Variants in COL4A3 observed in about 807,000 individuals in gnomAD.
COL4A3 encodes the protein collagen type IV alpha 3 chain, also known as collagen alpha-3(IV) chain.
A neutral mutation model predicts 217.4 loss-of-function variants in COL4A3; 135 were observed. That is an observed-to-expected ratio of 0.62 (90% confidence interval 0.54 to 0.72). The LOEUF (loss-of-function observed/expected upper bound fraction) is 0.72. COL4A3 is among the 30% of genes least tolerant of loss of function. The pLI is 0.00. For missense variants in COL4A3, 1,868 were observed against 2,119.9 expected (o/e 0.88, Z 2.33); for synonymous variants, 690 against 736.3 (o/e 0.94, Z 1.02).
intron 34 of COL4A3, among the ~76,000 whole-genome samples, chr2:227,284,711 C>T (rs1257157394): frequency 6.6e-6 from 1 of 152,144 alleles, no homozygotes; most frequent in African/African-American, 2.4e-5. Flanking sequence ...GATGTTGAAA[C>T]CTCCATCTCA....
intron 1 of COL4A3, among the ~76,000 whole-genome samples, chr2:227,178,040 G>A (rs978850130): frequency 6.6e-6 from 1 of 152,108 alleles, no homozygotes; most frequent in Admixed American, 6.5e-5. Context: ...TGAGATCTAC[G>A]GTAAGAACAA....
chr2:227,181,702 T>A (rs745649106), intron 1 of COL4A3, among the ~76,000 whole-genome samples: 6 of 152,204 alleles, frequency 3.9e-5, no homozygotes, highest in Non-Finnish European at 7.4e-5. Flanking sequence ...CATCAGTAAA[T>A]ATCCCTTAAA....
chr2:227,187,884 A>G (rs2204862), intron 1 of COL4A3, among the ~76,000 whole-genome samples: 20,618 of 152,016 alleles, frequency 0.14, 1,497 homozygotes, highest in Admixed American at 0.17. Context: ...ATATCTCCAG[A>G]GGGAATAAGA....
At chr2:227,277,856 C>T (rs1225842309) in intron 28 of COL4A3, among the ~76,000 whole-genome samples, 3 of 151,780 alleles carry the variant, frequency 2.0e-5, no homozygotes, top group Non-Finnish European at 2.9e-5. Flanking sequence ...AAACATTAGC[C>T]GGGTGTGGTG....
chr2:227,210,676 C>A (rs1302446688), intron 1 of COL4A3, among the ~76,000 whole-genome samples: 1 of 152,248 alleles, frequency 6.6e-6, no homozygotes, highest in South Asian at 2.1e-4. Flanking sequence ...CACACATATG[C>A]GTTAAGATAA....
At position 227,290,795 on chromosome 2, in the gene COL4A3, G is replaced by C. The variant is rs187864249; in HGVS notation, c.3119G>C (p.Arg1040Thr). ...GTLGFPGRAG[R>T]PGLPGIHGLQ... Reference sequence around the variant, plus strand: ...TTGGGATTCCCAGGTCGAGCAGGAAGACCAGGCCTCCCAGGTATTCATGGT... The same window carrying C: ...TTGGGATTCCCAGGTCGAGCAGGAACACCAGGCCTCCCAGGTATTCATGGT... Residue 1040 changes from arginine to threonine, a missense_variant, in exon 37 of 52, where the codon AGA becomes ACA. Arg to Thr is a moderately conservative substitution (Grantham distance 71). This residue lies in a region of COL4A3 where 1,503 missense variants were observed against 1,786.1 expected (regional missense o/e 0.84). Transcript: ENST00000396578. 10 of 1,613,682 alleles carry C rather than the reference G, an allele frequency of 6.2e-6. No individual in the cohort carries two copies. In the Admixed American group the frequency reaches 1.2e-4, roughly 19 times the overall value.
In COL4A3 at chr2:227,229,506, G is replaced by A. The variant is rs1288902175; in HGVS notation, c.88-8462G>A. Reference sequence around the variant, plus strand: ...CACCAGTTCTTTGGCACTGGACAAGGGACTTCAAGAGGAAATGTCAGGGAG... The same window carrying A: ...CACCAGTTCTTTGGCACTGGACAAGAGACTTCAAGAGGAAATGTCAGGGAG... On this transcript the variant is annotated intron_variant, in intron 1 of 51. Coordinates refer to ENST00000396578, the MANE Select transcript of COL4A3 (RefSeq NM_000091.5). 2.0e-5 allele frequency among the ~76,000 whole-genome samples: 3 copies of A among 152,156 alleles called. No individual in the cohort carries two copies. In the East Asian group the frequency reaches 5.8e-4, roughly 29 times the overall value.
At chr2:227,225,911 C>A (rs923981852) in intron 1 of COL4A3, among the ~76,000 whole-genome samples, 2 of 152,064 alleles carry the variant, frequency 1.3e-5, no homozygotes, top group African/African-American at 4.8e-5. Flanking sequence ...AGGGTTTCAC[C>A]CTGTTGGCCA....
chr2:227,276,533 C>A, intron 27 of COL4A3, 56 bp downstream of exon 27: 1 of 1,298,186 alleles, frequency 7.7e-7, no homozygotes, highest in Non-Finnish European at 1.1e-6. Flanking sequence ...AACACCCTGA[C>A]TCTCTTGGAA....
At chr2:227,189,093 G>A (rs2066137325) in intron 1 of COL4A3, among the ~76,000 whole-genome samples, 2 of 152,182 alleles carry the variant, frequency 1.3e-5, no homozygotes, top group South Asian at 4.1e-4. Context: ...TTCTGTTTGA[G>A]CACCAGAGAG....
In COL4A3 at chr2:227,164,908, T is replaced by C. The variant is rs2065165548; in HGVS notation, c.87+95T>C. The C allele has an allele frequency of 3.0e-5, 40 of 1,346,792 alleles. No homozygotes were observed. The highest frequency in any genetic ancestry group is 3.7e-5 in the Non-Finnish European group (38 of 1,040,234). 83.4% of individuals were successfully genotyped at this position (1,346,792 alleles called of 1,614,324 possible). A position where few individuals can be genotyped will look rare whatever the true frequency, so the allele number is the denominator to read the frequency against. On this transcript the variant is annotated intron_variant, in intron 1 of 51. Transcript: ENST00000396578. The surrounding 1 kb of genome is among the most constrained non-coding windows in gnomAD (Gnocchi z 4.8). ...GGCCCCACCCGCAGCGGCGCGGTAGTGGAGCGGCTGCCGGGCTAGTGGCGA... is the reference window on the plus strand; with the variant it reads ...GGCCCCACCCGCAGCGGCGCGGTAGCGGAGCGGCTGCCGGGCTAGTGGCGA...
chr2:227,178,344 C>T (rs2065756814), intron 1 of COL4A3, among the ~76,000 whole-genome samples: 1 of 152,000 alleles, frequency 6.6e-6, no homozygotes, highest in Non-Finnish European at 1.5e-5. Context: ...CAGCACACCA[C>T]TTCACTCCAG....
At position 227,293,179 on chromosome 2, in the gene COL4A3, A is replaced by AATTT; in HGVS notation, c.3211-12_3211-11insATTT. The AATTT allele has an allele frequency of 6.2e-7, 1 of 1,613,808 alleles. No homozygotes were observed. Among genetic ancestry groups the AATTT allele is most frequent in the Non-Finnish European group, 8.5e-7 (1 of 1,180,000 alleles). ...TATATGAGAATTTTAAAGGTATTTG[A>AATTT]CTACATTTAAGGGGGATCCAGGACT... On this transcript the variant is annotated splice_polypyrimidine_tract_variant and intron_variant, in intron 37 of 51. Transcript: ENST00000396578.
Position 227,253,960 on chromosome 2 carries a change from G to C in COL4A3, c.766-152G>C. The C allele has an allele frequency of 6.5e-6, 5 of 764,864 alleles. No individual in the cohort carries two copies. The highest frequency in any genetic ancestry group is 1.2e-5 in the Non-Finnish European group (5 of 429,974). 47.4% of individuals were successfully genotyped at this position (764,864 alleles called of 1,614,324 possible). ...CGCAGGTATAAAATTTGAAATGTGA[G>C]AAATGGAAGGTGTATTGGGTTGTGT... On this transcript the variant is annotated intron_variant, in intron 13 of 51. Coordinates refer to ENST00000396578, the MANE Select transcript of COL4A3 (RefSeq NM_000091.5). The surrounding 1 kb of genome is among the most constrained non-coding windows in gnomAD (Gnocchi z 4.4).
chr2:227,214,826 G>A (rs1036822683), intron 1 of COL4A3, among the ~76,000 whole-genome samples: 2 of 152,174 alleles, frequency 1.3e-5, no homozygotes, highest in Non-Finnish European at 1.5e-5. Flanking sequence ...ATATTTTGAA[G>A]AGCCTTCTCA....
chr2:227,300,347 C>T (rs1161288349), intron 43 of COL4A3, among the ~76,000 whole-genome samples: 1 of 151,822 alleles, frequency 6.6e-6, no homozygotes, highest in East Asian at 1.9e-4. Context: ...AAGTTTTCTC[C>T]ATTATTTCTT....
intron 1 of COL4A3, among the ~76,000 whole-genome samples, chr2:227,177,257 C>G (rs2065709431): frequency 6.6e-6 from 1 of 150,788 alleles, no homozygotes; most frequent in Admixed American, 6.6e-5. Context: ...TCACACCATT[C>G]TCCTGCCTCA....
intron 44 of COL4A3, 122 bp downstream of exon 44, chr2:227,303,232 G>A (rs986923519): frequency 2.1e-5 from 16 of 779,206 alleles, no homozygotes; most frequent in South Asian, 2.9e-5. Context: ...ACCTCAATAC[G>A]AGTGAAGTAG....
chr2:227,246,803 A>T (rs1269571924), intron 7 of COL4A3, 65 bp downstream of exon 7: 1 of 1,316,774 alleles, frequency 7.6e-7, no homozygotes, highest in Non-Finnish European at 1.1e-6. Flanking sequence ...TCTACTCCAT[A>T]TGGCCATATA....
Sources: allele counts gnomAD v4.1 joint callset (sites outside exome capture counted in the v4.1 genomes callset), GRCh38; gene constraint gnomAD v4.1.1; regional missense constraint gnomAD v4.1.1; non-coding constraint Gnocchi (gnomAD v3.1); transcripts MANE v1.5; gene names NCBI Gene and HGNC (gene_info 2026-07-23, HGNC 2026-07-21).